LOC114841035: variants seen among roughly 807,000 people sequenced by gnomAD.
the LOC114841035 span, chr11:64,243,896 C>T: frequency 6.2e-7 from 1 of 1,614,026 alleles, no homozygotes; most frequent in Non-Finnish European, 8.5e-7. Context: ...CTTTTGATAC[C>T]TCCCATCACC....
the LOC114841035 span, chr11:64,242,556 A>T: frequency 1.3e-6 from 2 of 1,525,594 alleles, no homozygotes; most frequent in East Asian, 2.6e-5. Flanking sequence ...CATGCACTAC[A>T]CGGTGAGTGG....
chr11:64,243,182 T>G, the LOC114841035 span: 10 of 1,612,388 alleles, frequency 6.2e-6, no homozygotes, highest in Non-Finnish European at 7.6e-6. Context: ...CTCACTGGCC[T>G]TCTCATGGTT....
chr11:64,244,095 A>G, the LOC114841035 span: 2 of 1,549,042 alleles, frequency 1.3e-6, no homozygotes, highest in Non-Finnish European at 1.8e-6. Flanking sequence ...AAAAAAAACA[A>G]AAAACAAAAA....
At chr11:64,243,932 C>A in the LOC114841035 span, 1 of 1,613,904 alleles carries the variant, frequency 6.2e-7, no homozygotes, top group Admixed American at 1.7e-5. Context: ...TCCCTGTGGC[C>A]CTGGTTGGCA....
At chr11:64,244,090 AAAC>A in the LOC114841035 span, 20 of 1,559,396 alleles carry the variant, frequency 1.3e-5, no homozygotes, top group African/African-American at 2.8e-5. Flanking sequence ...TCCAAAAAAA[AAAC>A]AAAAAACAAA....
the LOC114841035 span, chr11:64,243,978 C>G: frequency 1.9e-6 from 3 of 1,614,122 alleles, no homozygotes; most frequent in Non-Finnish European, 2.5e-6. Context: ...GTGGTGCAAC[C>G]CTGGTGTTCG....
chr11:64,242,325 T>C, the LOC114841035 span: 3 of 1,436,380 alleles, frequency 2.1e-6, no homozygotes, highest in Non-Finnish European at 2.7e-6. Flanking sequence ...CTACCCGTGT[T>C]CCATACTCTC....
At chr11:64,243,521 C>A in the LOC114841035 span, 1 of 1,612,912 alleles carries the variant, frequency 6.2e-7, no homozygotes, top group South Asian at 1.1e-5. Flanking sequence ...CCTGAGGGTG[C>A]AGAGCGAGTT....
chr11:64,243,197 A>G, the LOC114841035 span: 1 of 1,613,482 alleles, frequency 6.2e-7, no homozygotes. Flanking sequence ...ATGGTTCCAC[A>G]GGGGAAGCTG....
the LOC114841035 span, chr11:64,242,315 C>T: frequency 4.3e-6 from 6 of 1,385,496 alleles, no homozygotes; most frequent in Non-Finnish European, 4.8e-6. Context: ...CTCCTGTTAC[C>T]TACCCGTGTT....
chr11:64,243,171 C>A, the LOC114841035 span: 1 of 1,606,738 alleles, frequency 6.2e-7, no homozygotes, highest in South Asian at 1.1e-5. Context: ...GTCCCCTCTT[C>A]CTCACTGGCC....
At chr11:64,242,006 C>G in the LOC114841035 span, 1 of 167,518 alleles carries the variant, frequency 6.0e-6, no homozygotes, top group South Asian at 1.4e-4. Flanking sequence ...TGAGTGGGGC[C>G]GCCCAGTCGG....
chr11:64,243,869 G>T, the LOC114841035 span: 2 of 1,614,176 alleles, frequency 1.2e-6, no homozygotes, highest in Admixed American at 1.7e-5. Context: ...CTCCCCCAAA[G>T]ATTCCAGGTA....
chr11:64,243,452 A>G, the LOC114841035 span: 33 of 1,614,010 alleles, frequency 2.0e-5, no homozygotes, highest in Admixed American at 5.3e-4. Flanking sequence ...TTCCTGCAGG[A>G]TGTGTGAGGG....
At chr11:64,242,668 C>G in the LOC114841035 span, 3 of 1,192,376 alleles carry the variant, frequency 2.5e-6, no homozygotes, top group Non-Finnish European at 3.4e-6. Context: ...GGCAAGTCCC[C>G]TCTCGCCTCT....
chr11:64,243,995 A>G, the LOC114841035 span: 1 of 1,613,962 alleles, frequency 6.2e-7, no homozygotes, highest in Non-Finnish European at 8.5e-7. Context: ...TTCGAGGTGG[A>G]GCTGCTCAAA....
the LOC114841035 span, chr11:64,243,516 G>T: frequency 6.2e-7 from 1 of 1,613,238 alleles, no homozygotes; most frequent in South Asian, 1.1e-5. Flanking sequence ...CCCCTCCTGA[G>T]GGTGCAGAGC....
At chr11:64,242,461 C>A in the LOC114841035 span, 1 of 1,547,354 alleles carries the variant, frequency 6.5e-7, no homozygotes, top group Non-Finnish European at 8.7e-7. Context: ...GCCACGGGGG[C>A]CGAGGGCAAA....
the LOC114841035 span, chr11:64,242,514 C>A: frequency 3.2e-5 from 49 of 1,553,190 alleles, no homozygotes; most frequent in Middle Eastern, 5.1e-4. Flanking sequence ...GGACCACTGT[C>A]CCATCAAATC....
Sources: allele counts gnomAD v4.1 joint callset, GRCh38; gene constraint gnomAD v4.1.1; transcripts MANE v1.5.